UNC79: variants seen among roughly 807,000 people sequenced by gnomAD.
UNC79 encodes unc-79 subunit of NALCN channel complex.
In UNC79, 37 loss-of-function variants were observed where a neutral mutation model predicts 283.1. That is an observed-to-expected ratio of 0.13 (90% confidence interval 0.10 to 0.17). The LOEUF (loss-of-function observed/expected upper bound fraction) is 0.17, where lower values mean the gene tolerates loss of function less well. Among genes scored for constraint, UNC79 ranks in the 10% least tolerant of loss-of-function variants. The pLI, the probability that UNC79 is intolerant of heterozygous loss-of-function variation, is 1.00. For synonymous variants in UNC79, 1,107 were observed against 1,200.2 expected (o/e 0.92, Z 1.61); for missense variants, 2,272 against 3,211.1 (o/e 0.71, Z 7.07).
chr14:93,498,287 T>A lies in UNC79; in HGVS notation c.898+1001T>A, dbSNP rs1034811450. ...GTCTCAATAATAATAATAATAATAA[T>A]AAATAAAAAATAAAAAATAGGTCAG... On this transcript the variant is annotated intron_variant, in intron 7 of 48. Transcript: ENST00000555664. Among the ~76,000 whole-genome samples, 35 of 149,908 alleles carry A rather than the reference T, an allele frequency of 2.3e-4. No homozygotes were observed. The South Asian group carries it at 2.3e-3, about 10-fold the overall frequency.
At chr14:93,394,460 G>C in intron 1 of UNC79, among the ~76,000 whole-genome samples, 1 of 149,952 alleles carries the variant, frequency 6.7e-6, no homozygotes, top group East Asian at 2.0e-4. Flanking sequence ...ACCCAGGCTA[G>C]AGTGCAGTGG....
chr14:93,698,552 C>T (rs1329666354), intron 47 of UNC79, among the ~76,000 whole-genome samples: 1 of 125,910 alleles, frequency 7.9e-6, no homozygotes, highest in African/African-American at 2.9e-5. Context: ...GTGGTGCGAT[C>T]TTGGCTCGCC....
At chr14:93,490,630 C>T (rs948516079) in intron 5 of UNC79, among the ~76,000 whole-genome samples, 1 of 152,176 alleles carries the variant, frequency 6.6e-6, no homozygotes, top group African/African-American at 2.4e-5. Flanking sequence ...GAATGTGTTC[C>T]TCATTTCTGT....
chr14:93,382,720 T>C (rs2054689466), intron 1 of UNC79, among the ~76,000 whole-genome samples: 1 of 152,150 alleles, frequency 6.6e-6, no homozygotes, highest in Admixed American at 6.6e-5. Context: ...CCATATTTAG[T>C]GAGTGGTAGA....
intron 8 of UNC79, among the ~76,000 whole-genome samples, chr14:93,524,261 G>T (rs2060449497): frequency 6.6e-6 from 1 of 152,208 alleles, no homozygotes; most frequent in Non-Finnish European, 1.5e-5. Flanking sequence ...GTAGCCAAGT[G>T]CTATGTAGCA....
intron 1 of UNC79, among the ~76,000 whole-genome samples, chr14:93,447,495 A>G (rs1349263851): frequency 6.6e-6 from 1 of 152,126 alleles, no homozygotes; most frequent in African/African-American, 2.4e-5. Flanking sequence ...TTTTAAAATT[A>G]CATGGTTAAT....
chr14:93,391,375 C>G (rs2054880116), intron 1 of UNC79, among the ~76,000 whole-genome samples: 1 of 152,098 alleles, frequency 6.6e-6, no homozygotes, highest in African/African-American at 2.4e-5. Flanking sequence ...AACAGTGAAG[C>G]TTTATTAGAT....
intron 1 of UNC79, among the ~76,000 whole-genome samples, chr14:93,412,385 C>T (rs377571849): frequency 2.6e-5 from 4 of 151,786 alleles, no homozygotes; most frequent in Admixed American, 6.6e-5. Context: ...GGGATAATAA[C>T]GAGAACTTCC....
At chr14:93,396,540 A>G (rs2055001497) in intron 1 of UNC79, among the ~76,000 whole-genome samples, 1 of 152,046 alleles carries the variant, frequency 6.6e-6, no homozygotes, top group Non-Finnish European at 1.5e-5. Context: ...TTTAAGTAGT[A>G]TAGTAGTTCT....
At chr14:93,580,029 G>A (rs1042707131) in intron 18 of UNC79, 120 bp from the exon 19 acceptor site, 30 of 821,332 alleles carry the variant, frequency 3.7e-5, no homozygotes, top group Non-Finnish European at 5.3e-5. Context: ...ATTTCTGTCA[G>A]TTAGTGAAAA....
intron 1 of UNC79, among the ~76,000 whole-genome samples, chr14:93,460,822 C>T (rs146633226): frequency 0.014 from 2,133 of 152,098 alleles, 23 homozygotes; most frequent in Middle Eastern, 0.037. Context: ...CCCAGGTGTT[C>T]GAGACCAGCC....
At chr14:93,646,904 G>C (rs1327676195) in intron 35 of UNC79, among the ~76,000 whole-genome samples, 1 of 152,028 alleles carries the variant, frequency 6.6e-6, no homozygotes, top group Non-Finnish European at 1.5e-5. Context: ...ATATTGTTAG[G>C]CTCCAATTGC....
chr14:93,674,914 A>G (rs529893161), intron 41 of UNC79, among the ~76,000 whole-genome samples: 8 of 152,310 alleles, frequency 5.3e-5, no homozygotes, highest in East Asian at 1.9e-4. Context: ...TTGGTATAAC[A>G]CACAGCCTTG....
Position 93,688,911 on chromosome 14 carries a change from G to C in UNC79, c.7085+71G>C. On this transcript the variant is annotated intron_variant, in intron 44 of 48. Transcript: ENST00000555664. The surrounding 1 kb of genome is among the most constrained non-coding windows in gnomAD (Gnocchi z 4.0). Reference sequence around the variant, plus strand: ...ACACCCCTGAGTTTCCTCGGGCTCAGCTAGAGTTAAGGAGTACACCGAAGA... The same window carrying C: ...ACACCCCTGAGTTTCCTCGGGCTCACCTAGAGTTAAGGAGTACACCGAAGA... 1 of 1,540,772 alleles carries C rather than the reference G, an allele frequency of 6.5e-7. No individual in the cohort carries two copies. Among genetic ancestry groups the C allele is most frequent in the Non-Finnish European group, 8.8e-7 (1 of 1,135,760 alleles).
At chr14:93,467,719 A>G in exon 2 of UNC79, 3 of 1,411,242 alleles carry the variant, frequency 2.1e-6, no homozygotes, top group East Asian at 3.0e-5. Flanking sequence ...CGGGTTCTCC[A>G]CAACATTTAT....
chr14:93,381,320 C>A (rs957787033), intron 1 of UNC79, among the ~76,000 whole-genome samples: 5 of 152,174 alleles, frequency 3.3e-5, no homozygotes, highest in African/African-American at 9.7e-5. Flanking sequence ...TGACTCCCCC[C>A]AGAAGGAGTG....
chr14:93,634,191 G>T (rs995423229), intron 31 of UNC79, among the ~76,000 whole-genome samples: 1 of 152,124 alleles, frequency 6.6e-6, no homozygotes, highest in African/African-American at 2.4e-5. Flanking sequence ...ATTTAAATTT[G>T]TTATTTGTCT....
At chr14:93,677,163 G>T (rs1470007646) in intron 41 of UNC79, among the ~76,000 whole-genome samples, 2 of 152,054 alleles carry the variant, frequency 1.3e-5, no homozygotes, top group South Asian at 2.1e-4. Flanking sequence ...TCTAATCAGA[G>T]AAATAAAAGT....
intron 7 of UNC79, among the ~76,000 whole-genome samples, chr14:93,513,473 C>T (rs2059923039): frequency 1.3e-5 from 2 of 152,134 alleles, no homozygotes; most frequent in Non-Finnish European, 2.9e-5. Context: ...CCTGCCTCAG[C>T]CTCCCAAAGT....
Sources: gnomAD v4.1 joint callset for allele counts (sites outside exome capture counted in the v4.1 genomes callset) on GRCh38, gnomAD v4.1.1 for gene constraint, Gnocchi (gnomAD v3.1) non-coding constraint, MANE v1.5 for transcripts, NCBI Gene and HGNC (gene_info 2026-07-23, HGNC 2026-07-21) for gene names.